BCAT1: variants seen among roughly 807,000 people sequenced by gnomAD.
BCAT1 encodes branched-chain-amino-acid aminotransferase, cytosolic.
BCAT1 carries 48 observed loss-of-function variants against 52.4 expected under a neutral mutation model. The ratio of observed to expected loss-of-function variants is 0.92; its 90% CI spans 0.73 to 1.16. The LOEUF (loss-of-function observed/expected upper bound fraction) is 1.16, where lower values mean the gene tolerates loss of function less well. Among genes scored for constraint, BCAT1 ranks in the 50% most tolerant of loss-of-function variants. The pLI is 0.00. For missense variants in BCAT1, 451 were observed against 457.1 expected (o/e 0.99, Z 0.12); for synonymous variants, 167 against 161.3 (o/e 1.04, Z -0.27).
intron 6 of BCAT1, among the ~76,000 whole-genome samples, chr12:24,846,276 C>G (rs1170720050): frequency 3.3e-5 from 5 of 152,158 alleles, no homozygotes; most frequent in Non-Finnish European, 7.4e-5. Flanking sequence ...TGTAGATGGT[C>G]TTTATTCCCC....
chr12:24,947,665 A>G (rs1565510854), intron 1 of BCAT1, among the ~76,000 whole-genome samples: 1 of 152,218 alleles, frequency 6.6e-6, no homozygotes, highest in South Asian at 2.1e-4. Flanking sequence ...CCCATGTTAT[A>G]AAAGTATCTT....
intron 5 of BCAT1, among the ~76,000 whole-genome samples, chr12:24,856,210 G>A (rs371566556): frequency 6.8e-4 from 103 of 152,124 alleles, no homozygotes; most frequent in African/African-American, 2.1e-3. Flanking sequence ...GTAAAACCCC[G>A]GTGTGGATGA....
rs1381566733 is a variant in BCAT1 at position 24,902,804 on chromosome 12, A to G, written c.7-919T>C. The G allele has an allele frequency of 1.3e-5, 15 of 1,191,318 alleles. No homozygotes were observed. The Admixed American group carries it at 1.4e-4, about 11-fold the overall frequency. The allele number at this position is 1,191,318 out of a possible 1,614,324, so 73.8% of individuals were successfully genotyped here. ...CGGGCAGGGATGCGGGGAAGGGAAG[A>G]CGCCTCGCTGGAGGCGGAATGGAGG... On this transcript the variant is annotated intron_variant, in intron 1 of 10. Transcript: ENST00000261192.
At chr12:24,926,841 G>A (rs1943596385) in intron 1 of BCAT1, among the ~76,000 whole-genome samples, 1 of 152,000 alleles carries the variant, frequency 6.6e-6, no homozygotes, top group African/African-American at 2.4e-5. Context: ...AGGGTCCTCT[G>A]CCTAGGAAAA....
At chr12:24,901,926 G>T (rs1368693219) in intron 1 of BCAT1, 41 bp from the exon 2 acceptor site, 1 of 1,613,390 alleles carries the variant, frequency 6.2e-7, no homozygotes, top group Non-Finnish European at 8.5e-7. Flanking sequence ...AATGCAGGTG[G>T]GTAAGCGGGA....
At chr12:24,933,809 G>A (rs1329424536) in intron 1 of BCAT1, among the ~76,000 whole-genome samples, 2 of 152,030 alleles carry the variant, frequency 1.3e-5, no homozygotes, top group Admixed American at 6.5e-5. Flanking sequence ...AAACACCGGC[G>A]GGTGGCGAAT....
intron 1 of BCAT1, among the ~76,000 whole-genome samples, chr12:24,948,208 A>AT (rs1943963370): frequency 6.6e-6 from 1 of 152,236 alleles, no homozygotes; most frequent in East Asian, 1.9e-4. Context: ...TTTATATGCG[A>AT]TTGCAGTTTT....
intron 1 of BCAT1, among the ~76,000 whole-genome samples, chr12:24,933,625 G>T (rs1382368873): frequency 1.3e-5 from 2 of 152,122 alleles, no homozygotes; most frequent in African/African-American, 4.8e-5. Context: ...TAGTGAGTGA[G>T]TTCTCACTTA....
intron 10 of BCAT1, among the ~76,000 whole-genome samples, chr12:24,828,871 TG>T (rs1940519483): frequency 6.6e-6 from 1 of 151,444 alleles, no homozygotes; most frequent in Non-Finnish European, 1.5e-5. Context: ...CCGGGAACGG[TG>T]GCATGAGACC....
In BCAT1 at chr12:24,817,912, T is replaced by C. The variant is rs1939940689; in HGVS notation, c.*96A>G. 1.5e-6 allele frequency: 2 copies of C among 1,309,570 alleles called. No homozygotes were observed. Among genetic ancestry groups the C allele is most frequent in the African/African-American group, 1.5e-5 (1 of 68,876 alleles). The allele number at this position is 1,309,570 out of a possible 1,614,324, so 81.1% of individuals were successfully genotyped here. On this transcript the variant is annotated 3_prime_UTR_variant, in exon 11 of 11. Coordinates refer to ENST00000261192, the MANE Select transcript of BCAT1 (RefSeq NM_005504.7). The stretch of plus-strand genomic sequence containing the variant: ...TACTACAAACTACATTATGCACAGG[T>C]AGCCAAAGAAATCTATCACAATTCA...
At chr12:24,908,023 C>T (rs1182399766) in intron 1 of BCAT1, among the ~76,000 whole-genome samples, 2 of 152,168 alleles carry the variant, frequency 1.3e-5, no homozygotes, top group East Asian at 3.8e-4. Flanking sequence ...TGTTGAACTG[C>T]AGCTCTCTAA....
At chr12:24,869,271 G>A (rs537768749) in intron 5 of BCAT1, among the ~76,000 whole-genome samples, 5 of 152,252 alleles carry the variant, frequency 3.3e-5, no homozygotes, top group African/African-American at 7.2e-5. Flanking sequence ...AACTCCAACC[G>A]GCCTGCACAC....
intron 1 of BCAT1, among the ~76,000 whole-genome samples, chr12:24,940,501 T>C (rs1943832160): frequency 6.6e-6 from 1 of 152,182 alleles, no homozygotes; most frequent in African/African-American, 2.4e-5. Flanking sequence ...CTACTGACAA[T>C]ATTAATAAAA....
intron 10 of BCAT1, among the ~76,000 whole-genome samples, chr12:24,823,034 C>CTTTTTTTTTTTTTTTTTTTTTTTGT (rs5797104): frequency 7.1e-6 from 1 of 141,476 alleles, no homozygotes. Flanking sequence ...TTTGTTTTGA[C>CTTTTTTTTTTTTTTTTTTTTTTTGT]TTTTTTTTTT....
intron 4 of BCAT1, among the ~76,000 whole-genome samples, chr12:24,879,654 G>T (rs1942437669): frequency 6.6e-6 from 1 of 152,216 alleles, no homozygotes; most frequent in African/African-American, 2.4e-5. Context: ...CCCTGGTATT[G>T]CTGTCTAGAG....
Position 24,849,222 on chromosome 12 carries a change from G to A in BCAT1, c.674+564C>T, listed in dbSNP as rs543568058. Among the ~76,000 whole-genome samples, 10 of 152,334 alleles carry A rather than the reference G, an allele frequency of 6.6e-5. No individual in the cohort carries two copies. The South Asian group carries it at 1.5e-3, about 22-fold the overall frequency. On this transcript the variant is annotated intron_variant, in intron 6 of 10. Transcript: ENST00000261192. ...CTTTTCAAATGCTCTTTTATTTCCT[G>A]CCAGCTACATATGGCCTATGAGACT...
chr12:24,821,826 G>A (rs539833463), intron 10 of BCAT1, among the ~76,000 whole-genome samples: 1 of 152,302 alleles, frequency 6.6e-6, no homozygotes, highest in African/African-American at 2.4e-5. Flanking sequence ...GGAAGAAGCA[G>A]CATTCAAGTG....
In BCAT1 at chr12:24,864,136, G is replaced by C. The variant is rs191847867; in HGVS notation, c.511-14187C>G. On this transcript the variant is annotated intron_variant, in intron 5 of 10. Transcript: ENST00000261192. The stretch of plus-strand genomic sequence containing the variant: ...CAAAGTCAAAAATATTTACTATTAA[G>C]ACCATTACAAAAAAAGTTTGCTAAT... Among the ~76,000 whole-genome samples, 4 of 152,134 alleles carry C rather than the reference G, an allele frequency of 2.6e-5. No homozygotes were observed. In the East Asian group the frequency reaches 7.7e-4, roughly 29 times the overall value.
At chr12:24,924,940 C>T (rs1943556345) in intron 1 of BCAT1, among the ~76,000 whole-genome samples, 2 of 152,074 alleles carry the variant, frequency 1.3e-5, no homozygotes, top group Non-Finnish European at 2.9e-5. Flanking sequence ...GAAAGGTTAA[C>T]CATTGGGTGA....
Sources: gnomAD v4.1 joint callset for allele counts (sites outside exome capture counted in the v4.1 genomes callset) on GRCh38, gnomAD v4.1.1 for gene constraint, MANE v1.5 for transcripts, NCBI Gene and HGNC (gene_info 2026-07-23, HGNC 2026-07-21) for gene names.